TTC23: variants seen among roughly 807,000 people sequenced by gnomAD.
TTC23 encodes tetratricopeptide repeat domain 23, also known as tetratricopeptide repeat protein 23.
In TTC23, 58 loss-of-function variants were observed where a neutral mutation model predicts 55.1. The observed-to-expected ratio is 1.05, with a 90% CI of 0.85 to 1.31. The LOEUF (loss-of-function observed/expected upper bound fraction) is 1.31, where lower values mean the gene tolerates loss of function less well. Ranked by LOEUF, TTC23 falls within the 50% of genes most tolerant of loss-of-function variation. The pLI, the probability that TTC23 is intolerant of heterozygous loss-of-function variation, is 0.00. For synonymous variants in TTC23, 203 were observed against 199.9 expected (o/e 1.02, Z -0.13); for missense variants, 516 against 534.4 (o/e 0.97, Z 0.34).
At chr15:99,217,717 AAAG>A (rs1303854590) in intron 8 of TTC23, among the ~76,000 whole-genome samples, 1 of 152,230 alleles carries the variant, frequency 6.6e-6, no homozygotes, top group Non-Finnish European at 1.5e-5. Context: ...TGTGATCACA[AAAG>A]AAGATCTTTA....
chr15:99,191,363 G>A (rs1480742793), intron 9 of TTC23, among the ~76,000 whole-genome samples: 1 of 152,232 alleles, frequency 6.6e-6, no homozygotes. Flanking sequence ...AATGCATACT[G>A]TTGGTGTTGG....
chr15:99,172,189 T>G, intron 10 of TTC23, among the ~76,000 whole-genome samples: 1 of 152,106 alleles, frequency 6.6e-6, no homozygotes, highest in Admixed American at 6.5e-5. Flanking sequence ...GGCTAATTTT[T>G]GTATTTTCAG....
At chr15:99,236,977 C>T (rs943776553) in intron 3 of TTC23, among the ~76,000 whole-genome samples, 1 of 142,146 alleles carries the variant, frequency 7.0e-6, no homozygotes, top group East Asian at 2.0e-4. Flanking sequence ...TCATTTCACT[C>T]CTAAGTTTTT....
intron 5 of TTC23, among the ~76,000 whole-genome samples, chr15:99,223,064 G>C (rs1164635921): frequency 6.6e-6 from 1 of 152,204 alleles, no homozygotes; most frequent in African/African-American, 2.4e-5. Context: ...AGAGATGGGG[G>C]TCTATGTCCC....
chr15:99,249,004 A>G (rs1033506006), intron 1 of TTC23, among the ~76,000 whole-genome samples, 167 bp downstream of exon 1: 1 of 152,154 alleles, frequency 6.6e-6, no homozygotes, highest in Non-Finnish European at 1.5e-5. Context: ...TAATAGATAT[A>G]TTATCTATTA....
chr15:99,147,248 CAG>C (rs2069017109), intron 12 of TTC23, among the ~76,000 whole-genome samples: 1 of 125,924 alleles, frequency 7.9e-6, no homozygotes, highest in African/African-American at 3.2e-5. Flanking sequence ...TTTTTTGAGA[CAG>C]AGTCTCGCTC....
chr15:99,201,735 T>C (rs1056295395), intron 8 of TTC23, among the ~76,000 whole-genome samples: 1 of 152,198 alleles, frequency 6.6e-6, no homozygotes, highest in Non-Finnish European at 1.5e-5. Context: ...AAAAGATTAA[T>C]AGGCGACCCA....
At chr15:99,213,503 T>C (rs1386059449) in intron 8 of TTC23, among the ~76,000 whole-genome samples, 1 of 152,226 alleles carries the variant, frequency 6.6e-6, no homozygotes, top group Non-Finnish European at 1.5e-5. Context: ...ATATATTAGG[T>C]CTCAACAGAT....
intron 8 of TTC23, among the ~76,000 whole-genome samples, chr15:99,202,868 G>A (rs1006616893): frequency 9.8e-5 from 15 of 152,326 alleles, no homozygotes; most frequent in Non-Finnish European, 1.3e-4. Flanking sequence ...CCTTGGTTCC[G>A]TCATCTGAAC....
intron 12 of TTC23, among the ~76,000 whole-genome samples, chr15:99,155,144 G>A (rs2070361740): frequency 6.6e-6 from 1 of 151,928 alleles, no homozygotes; most frequent in African/African-American, 2.4e-5. Context: ...AACCAACTGG[G>A]TTCATATATT....
chr15:99,148,452 C>T (rs1255467338), intron 12 of TTC23: 1 of 145,636 alleles, frequency 6.9e-6, no homozygotes, highest in Non-Finnish European at 1.5e-5. Flanking sequence ...CAACTCCTTT[C>T]ATAAAAAGAT....
chr15:99,139,048 G>A (rs951297108), intron 13 of TTC23: 1 of 492,790 alleles, frequency 2.0e-6, no homozygotes, highest in Non-Finnish European at 3.7e-6. Flanking sequence ...TCCCCCTGCA[G>A]CAGGTGCCTT....
At chr15:99,208,642 C>A (rs1009521698) in intron 8 of TTC23, among the ~76,000 whole-genome samples, 2 of 152,136 alleles carry the variant, frequency 1.3e-5, no homozygotes, top group Non-Finnish European at 2.9e-5. Context: ...CAAGCTAATG[C>A]AACCCACAAT....
At chr15:99,241,209 G>A (rs1048098965) in intron 3 of TTC23, among the ~76,000 whole-genome samples, 156 bp downstream of exon 3, 4 of 152,062 alleles carry the variant, frequency 2.6e-5, no homozygotes, top group African/African-American at 4.8e-5. Flanking sequence ...CCAGCGACTC[G>A]GAGGCTGAGG....
At chr15:99,187,006 A>C (rs923501030) in intron 9 of TTC23, among the ~76,000 whole-genome samples, 7 of 152,140 alleles carry the variant, frequency 4.6e-5, no homozygotes, top group Non-Finnish European at 4.4e-5. Context: ...GAATAGCCAA[A>C]AGAATCTTAA....
intron 12 of TTC23, among the ~76,000 whole-genome samples, chr15:99,149,453 T>G (rs1265803553): frequency 1.3e-5 from 2 of 151,944 alleles, no homozygotes; most frequent in Non-Finnish European, 2.9e-5. Flanking sequence ...ACCCTTAGAG[T>G]TTCTTGAAGC....
chr15:99,248,334 C>T (rs993734495), intron 1 of TTC23: 1 of 152,166 alleles, frequency 6.6e-6, no homozygotes, highest in Non-Finnish European at 1.5e-5. Flanking sequence ...AGGACCCAAA[C>T]CCCTGATTTT....
chr15:99,240,897 T>C (rs2079729568), intron 3 of TTC23, among the ~76,000 whole-genome samples: 1 of 152,216 alleles, frequency 6.6e-6, no homozygotes, highest in South Asian at 2.1e-4. Flanking sequence ...TGTACGTCTC[T>C]GAATCAATGA....
chr15:99,184,011 G>C (rs944016972), intron 9 of TTC23, among the ~76,000 whole-genome samples: 1 of 152,222 alleles, frequency 6.6e-6, no homozygotes, highest in Admixed American at 6.5e-5. Flanking sequence ...TGTGGCTTAA[G>C]AGGGTACAAG....
Sources: gnomAD v4.1 joint callset for allele counts (sites outside exome capture counted in the v4.1 genomes callset) on GRCh38, gnomAD v4.1.1 for gene constraint, MANE v1.5 for transcripts, NCBI Gene and HGNC (gene_info 2026-07-23, HGNC 2026-07-21) for gene names.